The following LY6S variants were observed in gnomAD, a reference collection of about 807,000 sequenced individuals.
The protein encoded by LY6S is lymphocyte antigen 6 family member S, also known as lymphocyte antigen 6S.
the LY6S span, among the ~76,000 whole-genome samples, chr8:143,070,523 G>T: frequency 8.0e-6 from 1 of 125,016 alleles, no homozygotes; most frequent in South Asian, 2.5e-4. Context: ...TTCTCGCCCT[G>T]TCGCCCAGGC....
the LY6S span, among the ~76,000 whole-genome samples, chr8:143,072,061 T>A: frequency 0.19 from 29,295 of 152,218 alleles, 3,719 homozygotes; most frequent in East Asian, 0.34. Flanking sequence ...CCTCTCAGCT[T>A]TTATTTATCT....
chr8:143,065,604 A>G, the LY6S span, among the ~76,000 whole-genome samples: 1 of 151,962 alleles, frequency 6.6e-6, no homozygotes, highest in African/African-American at 2.4e-5. Context: ...AGTGCTTCCA[A>G]TCTGACAGAA....
At chr8:143,050,876 C>T in the LY6S span, among the ~76,000 whole-genome samples, 2 of 152,194 alleles carry the variant, frequency 1.3e-5, no homozygotes, top group South Asian at 4.1e-4. Flanking sequence ...CACCTAATAC[C>T]TCGGCGCAAA....
chr8:143,075,474 A>C, the LY6S span, among the ~76,000 whole-genome samples: 1 of 152,108 alleles, frequency 6.6e-6, no homozygotes, highest in African/African-American at 2.4e-5. This position sits in a 1 kb window ranked among gnomAD's most constrained non-coding sequence, Gnocchi z 4.1. Context: ...GAGGCCGAGG[A>C]GGGTGGATCA....
the LY6S span, among the ~76,000 whole-genome samples, chr8:143,059,134 C>T: frequency 6.6e-6 from 1 of 152,204 alleles, no homozygotes; most frequent in African/African-American, 2.4e-5. Flanking sequence ...TGGCTTGCCG[C>T]CCACATGCCT....
the LY6S span, among the ~76,000 whole-genome samples, chr8:143,070,472 TATAAATATATA>T: frequency 2.5e-5 from 1 of 39,952 alleles, no homozygotes; most frequent in African/African-American, 7.7e-5. Flanking sequence ...ATAATATATA[TATAAATATATA>T]TATATATTTT....
At chr8:143,062,570 A>G in the LY6S span, among the ~76,000 whole-genome samples, 1 of 152,192 alleles carries the variant, frequency 6.6e-6, no homozygotes, top group African/African-American at 2.4e-5. Context: ...GCTACTCGGG[A>G]AGCTAAGGCA....
the LY6S span, among the ~76,000 whole-genome samples, chr8:143,061,293 T>C: frequency 6.7e-6 from 1 of 149,552 alleles, no homozygotes; most frequent in Non-Finnish European, 1.5e-5. Flanking sequence ...ATGAAAAGAA[T>C]GGGAAAAGAT....
At chr8:143,066,815 CT>C in the LY6S span, among the ~76,000 whole-genome samples, 3 of 152,162 alleles carry the variant, frequency 2.0e-5, no homozygotes, top group African/African-American at 7.2e-5. Context: ...CGAGTTAAGA[CT>C]TTGGGGAACT....
chr8:143,058,510 T>C, the LY6S span, among the ~76,000 whole-genome samples: 7 of 152,220 alleles, frequency 4.6e-5, no homozygotes, highest in Non-Finnish European at 1.0e-4. Flanking sequence ...TTTCACTAAT[T>C]GACTACTGCT....
At chr8:143,056,272 T>G in the LY6S span, among the ~76,000 whole-genome samples, 1 of 149,906 alleles carries the variant, frequency 6.7e-6, no homozygotes, top group African/African-American at 2.5e-5. Flanking sequence ...GGGAAACATA[T>G]AGACTTTAAT....
At chr8:143,073,266 G>C in the LY6S span, among the ~76,000 whole-genome samples, 3 of 150,684 alleles carry the variant, frequency 2.0e-5, no homozygotes, top group African/African-American at 4.9e-5. Context: ...TCGTCCTCGG[G>C]GTCCCTGTTC....
the LY6S span, among the ~76,000 whole-genome samples, chr8:143,067,787 G>A: frequency 2.2e-4 from 33 of 152,356 alleles, no homozygotes; most frequent in African/African-American, 7.7e-4. Context: ...GGATGTGCAC[G>A]TAGGCTAGAT....
chr8:143,073,536 G>A, the LY6S span, among the ~76,000 whole-genome samples: 5 of 147,104 alleles, frequency 3.4e-5, no homozygotes, highest in African/African-American at 5.1e-5. Context: ...CATCGTCCTC[G>A]GGGTCCCTGT....
chr8:143,075,177 T>A, the LY6S span, among the ~76,000 whole-genome samples: 9 of 152,236 alleles, frequency 5.9e-5, no homozygotes, highest in Non-Finnish European at 8.8e-5. The surrounding 1 kb of genome is among the most constrained non-coding windows in gnomAD (Gnocchi z 4.1). Context: ...GTCTAATTTT[T>A]GTTCCTTCAA....
chr8:143,058,286 C>T, the LY6S span, among the ~76,000 whole-genome samples: 1 of 152,046 alleles, frequency 6.6e-6, no homozygotes. Flanking sequence ...TGGTAGAGGC[C>T]CCGAATGTCT....
At chr8:143,043,467 C>T in the LY6S span, among the ~76,000 whole-genome samples, 1 of 152,168 alleles carries the variant, frequency 6.6e-6, no homozygotes, top group Non-Finnish European at 1.5e-5. Context: ...AGGACCAAGG[C>T]CATCGGAGCC....
chr8:143,044,882 G>A, the LY6S span: 2 of 1,250,602 alleles, frequency 1.6e-6, no homozygotes, highest in Non-Finnish European at 2.1e-6. Context: ...ATGCCCACAA[G>A]GGCACCCACT....
chr8:143,070,489 A>ATTTT, the LY6S span, among the ~76,000 whole-genome samples: 8 of 81,702 alleles, frequency 9.8e-5, no homozygotes, highest in East Asian at 4.5e-4. Context: ...ATATATATAT[A>ATTTT]TTTTTTTTTT....
Sources: allele counts gnomAD v4.1 joint callset (sites outside exome capture counted in the v4.1 genomes callset), GRCh38; gene constraint gnomAD v4.1.1; non-coding constraint Gnocchi (gnomAD v3.1); transcripts MANE v1.5; gene names NCBI Gene and HGNC (gene_info 2026-07-23, HGNC 2026-07-21).